Variants in OLFML2A observed in about 807,000 individuals in gnomAD.
OLFML2A encodes olfactomedin-like protein 2A.
OLFML2A carries 47 observed loss-of-function variants against 60.9 expected under a neutral mutation model. The observed-to-expected ratio is 0.77, with a 90% CI of 0.61 to 0.98. OLFML2A has a LOEUF of 0.98. OLFML2A is among the 50% of genes least tolerant of loss of function. OLFML2A has a pLI of 0.00. For synonymous variants in OLFML2A, 372 were observed against 375.0 expected, an observed-to-expected ratio of 0.99 and a Z score of 0.09; for missense variants, 922 against 879.8, an observed-to-expected ratio of 1.05 and a Z score of -0.61.
intron 5 of OLFML2A, among the ~76,000 whole-genome samples, chr9:124,803,070 G>A (rs1248650174): frequency 4.0e-5 from 6 of 151,652 alleles, no homozygotes; most frequent in Non-Finnish European, 8.8e-5. Flanking sequence ...CACCATGCCC[G>A]ACTAATTTTT....
intron 2 of OLFML2A, among the ~76,000 whole-genome samples, chr9:124,792,663 G>A (rs1004416459): frequency 1.3e-5 from 2 of 152,130 alleles, no homozygotes; most frequent in South Asian, 2.1e-4. Flanking sequence ...AGGGACCCTC[G>A]CCAAAGCCAG....
intron 1 of OLFML2A, among the ~76,000 whole-genome samples, chr9:124,784,954 T>G (rs1189843880): frequency 9.0e-6 from 1 of 110,824 alleles, no homozygotes; most frequent in Non-Finnish European, 1.8e-5. Context: ...TTTTTTTTTT[T>G]TTTTTTTTTT....
rs1442274290 is a variant in OLFML2A at position 124,801,500 on chromosome 9, C to G, written c.756C>G (p.Pro252=). ...SFADRGLPKP[P]KEKLLQVEKL... ...CAGACAGAGGCCTCCCAAAACCTCC[C>G]AAGGAGAAGCTGCTTCAGGTGGAGA... Residue 252 remains proline, a synonymous_variant, in exon 5 of 8, where the codon CCC becomes CCG. Coordinates refer to ENST00000373580, the MANE Select transcript of OLFML2A (RefSeq NM_182487.4). 6 of 1,613,960 alleles carry G rather than the reference C, an allele frequency of 3.7e-6. No individual in the cohort carries two copies. In the South Asian group the frequency reaches 6.6e-5, roughly 18 times the overall value.
At chr9:124,793,471 A>G (rs1252221814) in intron 2 of OLFML2A, among the ~76,000 whole-genome samples, 2 of 152,188 alleles carry the variant, frequency 1.3e-5, no homozygotes, top group African/African-American at 4.8e-5. Flanking sequence ...CACAGGAGCC[A>G]TAAAGCATGA....
chr9:124,786,346 C>T (rs2131247213), intron 1 of OLFML2A, among the ~76,000 whole-genome samples: 1 of 152,042 alleles, frequency 6.6e-6, no homozygotes, highest in Admixed American at 6.5e-5. Flanking sequence ...TCACTTGAGC[C>T]TGGGAGGTCA....
At position 124,799,372 on chromosome 9, in the gene OLFML2A, C is replaced by T. The variant is rs1841728053; in HGVS notation, c.550C>T (p.His184Tyr). The T allele has an allele frequency of 1.2e-6, 2 of 1,613,738 alleles. No homozygotes were observed. Among genetic ancestry groups the T allele is most frequent in the Non-Finnish European group, 1.7e-6 (2 of 1,179,894 alleles). ...TGAGCAGTTGAGGCACTATGAGAAT[C>T]ACTCTGCCATCATGCTGGGCATCAA... is the stretch of plus-strand genomic sequence containing the variant. Reference protein sequence around the residue: ...LSEQLRHYENHSAIMLGIKKE... With the variant: ...LSEQLRHYENYSAIMLGIKKE... Residue 184 changes from histidine to tyrosine, a missense_variant, in exon 4 of 8, where the codon CAC becomes TAC. By Grantham distance (83) the His-to-Tyr change is moderately conservative. Transcript: ENST00000373580.
At chr9:124,790,545 C>T (rs1428259576) in intron 2 of OLFML2A, among the ~76,000 whole-genome samples, 1 of 152,180 alleles carries the variant, frequency 6.6e-6, no homozygotes, top group East Asian at 1.9e-4. Flanking sequence ...CAGCCAGGAG[C>T]CCACAGTCCC....
chr9:124,792,077 G>A (rs1588882237), intron 2 of OLFML2A, among the ~76,000 whole-genome samples: 1 of 152,304 alleles, frequency 6.6e-6, no homozygotes, highest in East Asian at 1.9e-4. Flanking sequence ...ACAGAGCTCG[G>A]ACTGAACAAA....
chr9:124,788,128 C>T (rs1200494591), intron 2 of OLFML2A, among the ~76,000 whole-genome samples: 1 of 150,866 alleles, frequency 6.6e-6, no homozygotes, highest in Non-Finnish European at 1.5e-5. Context: ...TGATGAAACC[C>T]TGTTTCTGCT....
intron 1 of OLFML2A, among the ~76,000 whole-genome samples, chr9:124,784,940 C>CTTTTTTTTTTTTTTTTTTTT (rs1461676348): frequency 6.0e-5 from 3 of 50,050 alleles, no homozygotes; most frequent in African/African-American, 2.9e-4. Flanking sequence ...ATTCCTTTTA[C>CTTTTTTTTTTTTTTTTTTTT]TTGTTTTTTT....
chr9:124,795,175 G>T, intron 3 of OLFML2A, 44 bp downstream of exon 3: 3 of 1,216,456 alleles, frequency 2.5e-6, no homozygotes, highest in East Asian at 2.5e-5. Context: ...CTCTGGTGCT[G>T]GGGGCCAAGG....
chr9:124,792,025 A>C (rs1198245076), intron 2 of OLFML2A, among the ~76,000 whole-genome samples: 2 of 152,138 alleles, frequency 1.3e-5, no homozygotes, highest in Non-Finnish European at 2.9e-5. Flanking sequence ...TTTACTTCAC[A>C]TGTCCTTTCC....
At chr9:124,780,553 TC>T (rs1448007628) in intron 1 of OLFML2A, among the ~76,000 whole-genome samples, 1 of 152,202 alleles carries the variant, frequency 6.6e-6, no homozygotes, top group Non-Finnish European at 1.5e-5. Context: ...TCCGGGAGTT[TC>T]CGCCTGTGGG....
chr9:124,801,582 G>A lies in OLFML2A; in HGVS notation c.838G>A (p.Ala280Thr), dbSNP rs183770687. 4.2e-5 allele frequency: 67 copies of A among 1,613,986 alleles called. No homozygotes were observed. In the East Asian group the frequency reaches 7.8e-4, roughly 19 times the overall value. The change falls in exon 5 of 8, where the codon GCC becomes ACC. Residue 280 changes from alanine (A) to threonine (T), a missense_variant. Physicochemically the swap from Ala to Thr is moderately conservative, Grantham distance 58. Transcript: ENST00000373580. ...SFLQPTAKPRALAQQQAVIRG... is the reference protein window; with the variant it reads ...SFLQPTAKPRTLAQQQAVIRG... ...CCTCCAGCCCACAGCCAAGCCCCGC[G>A]CCCTGGCCCAGCAGCAGGCTGTGAT...
At chr9:124,809,660 A>T (rs778167858) in intron 7 of OLFML2A, 148 bp from the exon 8 acceptor site, 1 of 864,170 alleles carries the variant, frequency 1.2e-6, no homozygotes, top group Non-Finnish European at 1.7e-6. Context: ...CTTGTGCCAT[A>T]ATAAGATGTC....
At chr9:124,789,620 A>C (rs568827223) in intron 2 of OLFML2A, among the ~76,000 whole-genome samples, 1 of 152,356 alleles carries the variant, frequency 6.6e-6, no homozygotes, top group East Asian at 1.9e-4. Flanking sequence ...TTCACTCTAC[A>C]GCTAGATGGC....
intron 3 of OLFML2A, among the ~76,000 whole-genome samples, chr9:124,797,819 T>C (rs1047241362): frequency 6.6e-6 from 1 of 152,128 alleles, no homozygotes; most frequent in African/African-American, 2.4e-5. Context: ...GATCCCTAGA[T>C]AGCGGGAGGT....
intron 1 of OLFML2A, among the ~76,000 whole-genome samples, chr9:124,783,630 C>T (rs985830629): frequency 1.3e-5 from 2 of 152,180 alleles, no homozygotes; most frequent in Admixed American, 6.5e-5. Flanking sequence ...ATTAAGTTGC[C>T]TACAGTCTCA....
intron 1 of OLFML2A, among the ~76,000 whole-genome samples, chr9:124,785,546 C>A (rs1438906621): frequency 6.6e-6 from 1 of 151,746 alleles, no homozygotes; most frequent in African/African-American, 2.4e-5. Context: ...CACAGGCGCC[C>A]GCCATCACGC....
Sources: gnomAD v4.1 joint callset for allele counts (sites outside exome capture counted in the v4.1 genomes callset) on GRCh38, gnomAD v4.1.1 for gene constraint, MANE v1.5 for transcripts, NCBI Gene and HGNC (gene_info 2026-07-23, HGNC 2026-07-21) for gene names.